ASIC2: variants seen among roughly 807,000 people sequenced by gnomAD.
ASIC2 encodes acid sensing ion channel subunit 2, also known as acid-sensing ion channel 2.
In ASIC2, 25 loss-of-function variants were observed where a neutral mutation model predicts 57.3. The observed-to-expected ratio is 0.44, with a 90% CI of 0.32 to 0.61. The LOEUF (loss-of-function observed/expected upper bound fraction) is 0.61, where lower values mean the gene tolerates loss of function less well. Among genes scored for constraint, ASIC2 ranks in the 20% least tolerant of loss-of-function variants. ASIC2 has a pLI of 0.06. For synonymous variants in ASIC2, 319 were observed against 307.5 expected (o/e 1.04, Z -0.39); for missense variants, 641 against 738.1 (o/e 0.87, Z 1.52).
intron 1 of ASIC2, among the ~76,000 whole-genome samples, chr17:34,059,746 C>T (rs1402927328): frequency 1.3e-5 from 2 of 152,202 alleles, no homozygotes; most frequent in Non-Finnish European, 2.9e-5. Flanking sequence ...TGACAACCTG[C>T]GTGACTCAGC....
At chr17:33,634,247 T>C (rs1357683034) in intron 1 of ASIC2, among the ~76,000 whole-genome samples, 1 of 152,192 alleles carries the variant, frequency 6.6e-6, no homozygotes, top group Non-Finnish European at 1.5e-5. Context: ...GGCTCCAGAT[T>C]TCAGGATAAT....
chr17:34,155,354 GC>G (rs1241762171), intron 1 of ASIC2, among the ~76,000 whole-genome samples: 1 of 152,040 alleles, frequency 6.6e-6, no homozygotes, highest in East Asian at 1.9e-4. Flanking sequence ...GCCCTGGGGT[GC>G]CCGGCCTCTC....
At chr17:33,510,627 G>C (rs1255128120) in intron 1 of ASIC2, among the ~76,000 whole-genome samples, 1 of 152,110 alleles carries the variant, frequency 6.6e-6, no homozygotes, top group African/African-American at 2.4e-5. Flanking sequence ...GTGAGATCTT[G>C]TCTCAAAATA....
At chr17:33,033,658 A>T (rs1486859379) in intron 3 of ASIC2, among the ~76,000 whole-genome samples, 39 of 152,282 alleles carry the variant, frequency 2.6e-4, no homozygotes, top group African/African-American at 9.4e-4. Context: ...GGGGCCATGA[A>T]TGACAGCAGG....
At chr17:33,703,865 C>A (rs1908783138) in intron 1 of ASIC2, among the ~76,000 whole-genome samples, 1 of 152,178 alleles carries the variant, frequency 6.6e-6, no homozygotes, top group Non-Finnish European at 1.5e-5. Context: ...CAGGCCAGAG[C>A]TCCTAAGCTC....
intron 1 of ASIC2, among the ~76,000 whole-genome samples, chr17:34,032,596 G>T (rs1907666047): frequency 6.6e-6 from 1 of 152,192 alleles, no homozygotes; most frequent in Non-Finnish European, 1.5e-5. Flanking sequence ...AGACCCATCA[G>T]TGTGCTGTAT....
intron 1 of ASIC2, among the ~76,000 whole-genome samples, chr17:33,967,939 A>C (rs1325305927): frequency 6.6e-6 from 1 of 152,152 alleles, no homozygotes; most frequent in African/African-American, 2.4e-5. Context: ...TCGGGGCCTC[A>C]CATTGTCATT....
chr17:34,139,752 G>A (rs79776416), intron 1 of ASIC2, among the ~76,000 whole-genome samples: 3 of 150,062 alleles, frequency 2.0e-5, no homozygotes, highest in East Asian at 1.9e-4. Context: ...AGAACTGGAG[G>A]GGGGGGGATT....
At chr17:33,724,599 G>A (rs373410215) in intron 1 of ASIC2, among the ~76,000 whole-genome samples, 7 of 152,274 alleles carry the variant, frequency 4.6e-5, no homozygotes, top group Middle Eastern at 3.4e-3. Context: ...TGGGAATGAG[G>A]AGCCTAAGGG....
chr17:33,799,498 C>T (rs1285480287), intron 1 of ASIC2, among the ~76,000 whole-genome samples: 1 of 129,712 alleles, frequency 7.7e-6, no homozygotes, highest in Non-Finnish European at 1.7e-5. Context: ...TTCTTTCTTA[C>T]TTTCTTTCTT....
At chr17:33,210,564 C>T (rs1374574529) in intron 1 of ASIC2, among the ~76,000 whole-genome samples, 2 of 152,206 alleles carry the variant, frequency 1.3e-5, no homozygotes, top group African/African-American at 4.8e-5. Context: ...AGGCCAGCTG[C>T]AGACCTTTGA....
chr17:33,703,787 C>G (rs1287926803), intron 1 of ASIC2, among the ~76,000 whole-genome samples: 1 of 152,168 alleles, frequency 6.6e-6, no homozygotes, highest in Non-Finnish European at 1.5e-5. Flanking sequence ...TGCTCCCAGA[C>G]TCAGCATGCC....
intron 1 of ASIC2, among the ~76,000 whole-genome samples, chr17:33,224,864 A>G (rs1209554198): frequency 6.6e-6 from 1 of 152,206 alleles, no homozygotes; most frequent in Non-Finnish European, 1.5e-5. Flanking sequence ...GGGCAAAGCT[A>G]TAAGTATCAG....
At chr17:33,508,413 C>G (rs924982130) in intron 1 of ASIC2, among the ~76,000 whole-genome samples, 1 of 152,114 alleles carries the variant, frequency 6.6e-6, no homozygotes, top group African/African-American at 2.4e-5. Flanking sequence ...AGTGTGACAG[C>G]GTTATCTCGG....
intron 1 of ASIC2, among the ~76,000 whole-genome samples, chr17:33,738,639 T>A (rs1910000628): frequency 1.3e-5 from 2 of 152,164 alleles, no homozygotes; most frequent in African/African-American, 4.8e-5. Flanking sequence ...CTACTTCTAC[T>A]ATCCCCACAT....
chr17:33,847,474 T>C (rs1913640134), intron 1 of ASIC2, among the ~76,000 whole-genome samples: 2 of 152,030 alleles, frequency 1.3e-5, no homozygotes, highest in South Asian at 4.2e-4. Context: ...CAGCAACTAA[T>C]CTCCAGGCTC....
At chr17:33,191,292 A>G (rs1461052842) in intron 1 of ASIC2, among the ~76,000 whole-genome samples, 1 of 152,196 alleles carries the variant, frequency 6.6e-6, no homozygotes, top group Non-Finnish European at 1.5e-5. Flanking sequence ...ATCTACACTG[A>G]CAGAGACGGA....
rs183447975 is a variant in ASIC2, at chr17:33,395,724, G to C, written c.556-283657C>G. ...TTGGGAATTCTGTCTCTGGCCTTAT[G>C]ATGGGGAAGACCAGAAACTTTGGAG... On this transcript the variant is annotated intron_variant, in intron 1 of 9. Transcript: ENST00000359872. 2.2e-3 allele frequency among the ~76,000 whole-genome samples: 328 copies of C among 152,324 alleles called. 2 individuals carry two copies. The highest frequency in any genetic ancestry group is 7.5e-3 in the African/African-American group (311 of 41,576).
chr17:33,259,595 T>C lies in ASIC2; in HGVS notation c.708+31813A>G, dbSNP rs530314369. Reference sequence around the variant, plus strand: ...TCTTGGTGGTAGAGGAAAACAAAGATACCAAAACAGCAAGATGTGATGCAA... The same window carrying C: ...TCTTGGTGGTAGAGGAAAACAAAGACACCAAAACAGCAAGATGTGATGCAA... On this transcript the variant is annotated intron_variant, in intron 1 of 9. Coordinates refer to ENST00000225823, the MANE Select transcript of ASIC2 (RefSeq NM_183377.2). 3.4e-4 allele frequency among the ~76,000 whole-genome samples: 51 copies of C among 151,942 alleles called. 1 individual carries two copies. Among genetic ancestry groups the C allele is most frequent in the Admixed American group, 5.2e-4 (8 of 15,268 alleles).
Sources: allele counts gnomAD v4.1 joint callset (sites outside exome capture counted in the v4.1 genomes callset), GRCh38; gene constraint gnomAD v4.1.1; transcripts MANE v1.5; gene names NCBI Gene and HGNC (gene_info 2026-07-23, HGNC 2026-07-21).